KCNH7: variants seen among roughly 807,000 people sequenced by gnomAD.
The protein encoded by KCNH7 is voltage-gated inwardly rectifying potassium channel KCNH7.
A neutral mutation model predicts 120.8 loss-of-function variants in KCNH7; 49 were observed. The observed-to-expected ratio is 0.41, with a 90% CI of 0.32 to 0.51. KCNH7 has a LOEUF of 0.51. KCNH7 is among the 20% of genes least tolerant of loss of function. The probability of loss-of-function intolerance (pLI) is 0.38; values close to 1 mark genes in which losing one functional copy is unlikely to be tolerated. For synonymous variants in KCNH7, 547 were observed against 516.1 expected (o/e 1.06, Z -0.81); for missense variants, 1,097 against 1,446.6 (o/e 0.76, Z 3.92).
chr2:162,575,607 T>C (rs1693642381), intron 2 of KCNH7, among the ~76,000 whole-genome samples: 1 of 152,082 alleles, frequency 6.6e-6, no homozygotes, highest in African/African-American at 2.4e-5. Context: ...TACTATGTTA[T>C]ATTTCTACCA....
intron 11 of KCNH7, among the ~76,000 whole-genome samples, chr2:162,395,191 A>G (rs1686874929): frequency 6.6e-6 from 1 of 151,790 alleles, no homozygotes; most frequent in African/African-American, 2.4e-5. Context: ...TGGAGTCAAA[A>G]GTTATTTGCA....
At chr2:162,372,162 T>A in intron 15 of KCNH7, 67 bp from the exon 16 acceptor site, 1 of 1,252,668 alleles carries the variant, frequency 8.0e-7, no homozygotes, top group Non-Finnish European at 1.1e-6. Context: ...AAAATTACAC[T>A]AATAAAAACT....
chr2:162,827,190 T>C (rs1381530908), intron 2 of KCNH7, among the ~76,000 whole-genome samples: 1 of 152,120 alleles, frequency 6.6e-6, no homozygotes, highest in Admixed American at 6.6e-5. Context: ...TATTTATGCT[T>C]TCCCTTTAAA....
rs112380543 is a variant in KCNH7, at chr2:162,609,893, C to A, written c.308-72813G>T. ...TGGGACAAACCTGCCAGCAGATTAT[C>A]GTCAGGAAGAGTCTGAATCCAAATC... On this transcript the variant is annotated intron_variant, in intron 2 of 15. Coordinates refer to ENST00000332142, the MANE Select transcript of KCNH7 (RefSeq NM_033272.4). Among the ~76,000 whole-genome samples, 1,376 of 152,206 alleles carry A rather than the reference C, an allele frequency of 9.0e-3. 13 individuals are homozygous for A. The highest frequency in any genetic ancestry group is 0.031 in the African/African-American group (1,306 of 41,548).
chr2:162,415,552 T>C (rs1056064574), intron 9 of KCNH7, among the ~76,000 whole-genome samples: 5 of 152,150 alleles, frequency 3.3e-5, no homozygotes, highest in Admixed American at 2.6e-4. Context: ...TTCTATACTT[T>C]AATTTGAAAA....
At chr2:162,650,489 A>G (rs978534278) in intron 2 of KCNH7, among the ~76,000 whole-genome samples, 11 of 152,180 alleles carry the variant, frequency 7.2e-5, no homozygotes, top group Non-Finnish European at 1.6e-4. Flanking sequence ...AGCTAGCAAG[A>G]AATTTTGGCA....
intron 2 of KCNH7, among the ~76,000 whole-genome samples, chr2:162,795,167 G>T (rs1198766692): frequency 6.6e-6 from 1 of 151,928 alleles, no homozygotes. Context: ...CTTGTGTATT[G>T]TCAATGATTT....
In KCNH7 at chr2:162,791,305, T is replaced by C. The variant is rs545105569; in HGVS notation, c.307+45232A>G. 7.7e-4 allele frequency among the ~76,000 whole-genome samples: 117 copies of C among 152,238 alleles called. 1 individual carries two copies. Among genetic ancestry groups the C allele is most frequent in the African/African-American group, 9.6e-4 (40 of 41,556 alleles). On this transcript the variant is annotated intron_variant, in intron 2 of 15. Coordinates refer to ENST00000332142, the MANE Select transcript of KCNH7 (RefSeq NM_033272.4). ...ATGAATTTTAAAAATAGGTTTTTTT[T>C]CCTAGTTCTGTGAAGAATGTCAATG...
chr2:162,411,886 T>C (rs1687402512), intron 9 of KCNH7, among the ~76,000 whole-genome samples: 2 of 151,988 alleles, frequency 1.3e-5, no homozygotes, highest in Non-Finnish European at 2.9e-5. Context: ...TATCTCTTCT[T>C]GCTGCTGATG....
intron 2 of KCNH7, among the ~76,000 whole-genome samples, chr2:162,569,667 A>C (rs1217316995): frequency 2.6e-5 from 4 of 151,508 alleles, no homozygotes; most frequent in Non-Finnish European, 4.4e-5. Flanking sequence ...GTGGGCATTT[A>C]GTGCTATAAA....
chr2:162,532,091 T>G (rs1477679352), intron 3 of KCNH7, among the ~76,000 whole-genome samples: 2 of 151,678 alleles, frequency 1.3e-5, no homozygotes, highest in Non-Finnish European at 2.9e-5. Context: ...AAAGGAGGAG[T>G]CAAATAAAAG....
chr2:162,458,744 C>T (rs752833421), intron 6 of KCNH7, among the ~76,000 whole-genome samples: 4 of 152,004 alleles, frequency 2.6e-5, no homozygotes, highest in Non-Finnish European at 4.4e-5. Context: ...TTGGCTGGGA[C>T]GATGTGAGGT....
chr2:162,672,153 T>C (rs1271770341), intron 2 of KCNH7, among the ~76,000 whole-genome samples: 1 of 152,084 alleles, frequency 6.6e-6, no homozygotes, highest in Non-Finnish European at 1.5e-5. Context: ...CAAAAATATT[T>C]AGACAAAACA....
intron 6 of KCNH7, among the ~76,000 whole-genome samples, chr2:162,487,502 G>A (rs1052692191): frequency 2.6e-5 from 4 of 152,070 alleles, no homozygotes; most frequent in African/African-American, 9.7e-5. Context: ...GAGGGAGAGT[G>A]TGTTCCAGAT....
At chr2:162,692,993 G>A (rs1439712832) in intron 2 of KCNH7, among the ~76,000 whole-genome samples, 4 of 152,064 alleles carry the variant, frequency 2.6e-5, no homozygotes. Context: ...CATTTATTTT[G>A]CTTAGTTTGT....
chr2:162,716,249 T>C (rs1366634802), intron 2 of KCNH7, among the ~76,000 whole-genome samples: 1 of 152,152 alleles, frequency 6.6e-6, no homozygotes, highest in Non-Finnish European at 1.5e-5. Flanking sequence ...TCGTAGTTCA[T>C]GGCTGCAGAT....
chr2:162,454,546 A>G (rs1050380035), intron 6 of KCNH7, among the ~76,000 whole-genome samples: 1 of 152,136 alleles, frequency 6.6e-6, no homozygotes, highest in Non-Finnish European at 1.5e-5. Flanking sequence ...TTTGGACAGT[A>G]TGGCCATTTT....
intron 2 of KCNH7, among the ~76,000 whole-genome samples, chr2:162,601,515 G>A (rs1449167718): frequency 7.2e-6 from 1 of 139,348 alleles, no homozygotes; most frequent in Non-Finnish European, 1.5e-5. Flanking sequence ...TATTCAATCT[G>A]TAGTTAAATG....
chr2:162,575,238 G>A (rs1230933451), intron 2 of KCNH7, among the ~76,000 whole-genome samples: 1 of 152,000 alleles, frequency 6.6e-6, no homozygotes, highest in African/African-American at 2.4e-5. Flanking sequence ...CTGCTAGTTT[G>A]ACCCTGACCT....
Sources: gnomAD v4.1 joint callset for allele counts (sites outside exome capture counted in the v4.1 genomes callset) on GRCh38, gnomAD v4.1.1 for gene constraint, MANE v1.5 for transcripts, NCBI Gene and HGNC (gene_info 2026-07-23, HGNC 2026-07-21) for gene names.